Variants in LRRK2 observed in about 807,000 individuals in gnomAD.
The protein encoded by LRRK2 is leucine rich repeat kinase 2.
In LRRK2, 203 loss-of-function variants were observed where a neutral mutation model predicts 302.6. The observed-to-expected ratio is 0.67, with a 90% CI of 0.60 to 0.75. LRRK2 has a LOEUF of 0.75. Ranked by LOEUF, LRRK2 falls within the 30% of genes least tolerant of loss-of-function variation. LRRK2 has a pLI of 0.00. For missense variants in LRRK2, 2,830 were observed against 2,951.0 expected (o/e 0.96, Z 0.95); for synonymous variants, 1,066 against 1,031.9 (o/e 1.03, Z -0.63).
At chr12:40,256,389 T>C (rs530017763) in intron 11 of LRRK2, among the ~76,000 whole-genome samples, 2 of 152,224 alleles carry the variant, frequency 1.3e-5, no homozygotes, top group East Asian at 3.9e-4. Flanking sequence ...AAGACTGCAG[T>C]GAGCTATGAT....
At chr12:40,259,367 G>A in intron 12 of LRRK2, 113 bp from the exon 13 acceptor site, 2 of 1,327,816 alleles carry the variant, frequency 1.5e-6, no homozygotes, top group Admixed American at 1.7e-5. Context: ...TTTTCATATA[G>A]TCTTTCCTGA....
chr12:40,316,215 A>G (rs1945213486), intron 33 of LRRK2: 2 of 434,910 alleles, frequency 4.6e-6, no homozygotes, highest in South Asian at 1.9e-4. Flanking sequence ...TTCCAATTAA[A>G]CCATAAAGGT....
chr12:40,263,373 T>A (rs1942860685), intron 13 of LRRK2, among the ~76,000 whole-genome samples: 1 of 142,350 alleles, frequency 7.0e-6, no homozygotes, highest in Non-Finnish European at 1.5e-5. Context: ...TTATTCCAGC[T>A]ACTCTTTTTT....
intron 14 of LRRK2, among the ~76,000 whole-genome samples, chr12:40,271,220 C>T (rs898786543): frequency 1.3e-5 from 2 of 152,120 alleles, no homozygotes; most frequent in South Asian, 4.1e-4. Flanking sequence ...TGCCATTACT[C>T]ATAGACAAGG....
chr12:40,263,524 A>G (rs1942870494), intron 13 of LRRK2, among the ~76,000 whole-genome samples: 1 of 152,178 alleles, frequency 6.6e-6, no homozygotes, highest in East Asian at 1.9e-4. Flanking sequence ...TTGCTACAGA[A>G]AATTTCTTCA....
intron 16 of LRRK2, among the ~76,000 whole-genome samples, chr12:40,276,205 TTA>T (rs1943443724): frequency 1.3e-5 from 2 of 152,194 alleles, no homozygotes; most frequent in Non-Finnish European, 2.9e-5. Flanking sequence ...TTACTCTGGA[TTA>T]ATTCATCTAG....
chr12:40,226,056 C>A (rs1313468213), intron 2 of LRRK2, among the ~76,000 whole-genome samples: 1 of 152,152 alleles, frequency 6.6e-6, no homozygotes, highest in Non-Finnish European at 1.5e-5. Flanking sequence ...TGATAAAATG[C>A]AACTTTGTCA....
rs561562484 is a variant in LRRK2, at chr12:40,267,269, G to C, written c.1656+3368G>C. On this transcript the variant is annotated intron_variant, in intron 14 of 50. Transcript: ENST00000298910. ...GATTGCCACAGTTGCCGCGTCCTGA[G>C]GACATGGTTACTTCCTTTTAATACC... Among the ~76,000 whole-genome samples, 10 of 152,316 alleles carry C rather than the reference G, an allele frequency of 6.6e-5. No homozygotes were observed. The South Asian group carries it at 2.1e-3, about 32-fold the overall frequency.
chr12:40,361,210 G>A (rs1158121938), intron 47 of LRRK2, among the ~76,000 whole-genome samples: 1 of 143,568 alleles, frequency 7.0e-6, no homozygotes, highest in African/African-American at 2.5e-5. Flanking sequence ...TGTATTATAA[G>A]TTCCCATGAA....
At chr12:40,243,812 G>A in intron 7 of LRRK2, 131 bp downstream of exon 7, 1 of 918,524 alleles carries the variant, frequency 1.1e-6, no homozygotes, top group Admixed American at 2.5e-5. Context: ...TAAAATCCCA[G>A]AAAAAATAAA....
At chr12:40,274,454 G>A in intron 14 of LRRK2, 129 bp from the exon 15 acceptor site, 1 of 954,028 alleles carries the variant, frequency 1.0e-6, no homozygotes, top group South Asian at 1.6e-5. Flanking sequence ...TAATGTTATA[G>A]AAAACAAAAT....
In LRRK2 at chr12:40,361,157, A is replaced by C. The variant is rs73277541; in HGVS notation, c.7028+1713A>C. Among the ~76,000 whole-genome samples the C allele has an allele frequency of 3.5e-3, 529 of 152,006 alleles. 5 individuals carry two copies. Among genetic ancestry groups the C allele is most frequent in the African/African-American group, 0.011 (455 of 41,446 alleles). On this transcript the variant is annotated intron_variant, in intron 47 of 50. Coordinates refer to ENST00000298910, the MANE Select transcript of LRRK2 (RefSeq NM_198578.4). ...ATTTTTTTTTTCAGGTTCTCAAGTG[A>C]TTCTAAAGTATATTTGAGGTTAAGA...
At chr12:40,348,745 C>T (rs1028268533) in intron 43 of LRRK2, among the ~76,000 whole-genome samples, 2 of 152,036 alleles carry the variant, frequency 1.3e-5, no homozygotes, top group African/African-American at 4.8e-5. Context: ...AATGCCTGCC[C>T]ATTATTTTGC....
At chr12:40,341,501 C>T (rs1946043726) in intron 41 of LRRK2, among the ~76,000 whole-genome samples, 1 of 152,160 alleles carries the variant, frequency 6.6e-6, no homozygotes, top group African/African-American at 2.4e-5. Context: ...TTCTCATAAA[C>T]ACTTCAAAGT....
chr12:40,262,416 G>C (rs1299956320), intron 13 of LRRK2, among the ~76,000 whole-genome samples: 1 of 152,086 alleles, frequency 6.6e-6, no homozygotes, highest in Non-Finnish European at 1.5e-5. Flanking sequence ...TGATATAACA[G>C]CACCAGATTT....
Position 40,356,192 on chromosome 12 carries a change from A to G in LRRK2, c.6843+5A>G. 6.2e-7 allele frequency: 1 copy of G among 1,600,938 alleles called. No individual in the cohort carries two copies. Among genetic ancestry groups the G allele is most frequent in the Non-Finnish European group, 8.5e-7 (1 of 1,169,950 alleles). ...TTTGAAGATAAGACTGTTAAGGTAA[A>G]TGTTGAATGCATTCTACATCTAAAT... On this transcript the variant is annotated splice_donor_5th_base_variant and intron_variant, in intron 46 of 50. Coordinates refer to ENST00000298910, the MANE Select transcript of LRRK2 (RefSeq NM_198578.4).
At chr12:40,289,528 T>C (rs1333006923) in intron 20 of LRRK2, among the ~76,000 whole-genome samples, 1 of 149,000 alleles carries the variant, frequency 6.7e-6, no homozygotes, top group Non-Finnish European at 1.5e-5. Flanking sequence ...TAATCTATAA[T>C]ATATAATTAA....
intron 8 of LRRK2, among the ~76,000 whole-genome samples, chr12:40,250,230 G>T (rs909922405): frequency 6.6e-6 from 1 of 152,062 alleles, no homozygotes; most frequent in Admixed American, 6.6e-5. Context: ...GGTGGCTCAC[G>T]CCTGTAATCT....
intron 40 of LRRK2, among the ~76,000 whole-genome samples, chr12:40,339,885 T>C (rs959152031): frequency 6.6e-6 from 1 of 152,146 alleles, no homozygotes; most frequent in African/African-American, 2.4e-5. Flanking sequence ...ATTAAATAAA[T>C]GGCAAGTACA....
Sources: allele counts gnomAD v4.1 joint callset (sites outside exome capture counted in the v4.1 genomes callset), GRCh38; gene constraint gnomAD v4.1.1; transcripts MANE v1.5; gene names NCBI Gene and HGNC (gene_info 2026-07-23, HGNC 2026-07-21).